Variants in GAS7 observed in about 807,000 individuals in gnomAD.
The protein encoded by GAS7 is growth arrest-specific protein 7.
GAS7 carries 28 observed loss-of-function variants against 71.1 expected under a neutral mutation model. The observed-to-expected ratio is 0.39, with a 90% confidence interval of 0.29 to 0.54. GAS7 has a LOEUF of 0.54. Ranked by LOEUF, GAS7 falls within the 20% of genes least tolerant of loss-of-function variation. GAS7 has a pLI of 0.62. For synonymous variants in GAS7, 258 were observed against 245.8 expected (o/e 1.05, Z -0.46); for missense variants, 436 against 627.8 (o/e 0.69, Z 3.27).
intron 2 of GAS7, among the ~76,000 whole-genome samples, chr17:9,991,349 C>G (rs1171893077): frequency 6.6e-6 from 1 of 152,152 alleles, no homozygotes; most frequent in Non-Finnish European, 1.5e-5. Context: ...TCCCCAACTT[C>G]CCACTCACAG....
At position 9,959,094 on chromosome 17, in the gene GAS7, C is replaced by A; in HGVS notation, c.525+108G>T. On this transcript the variant is annotated intron_variant, in intron 5 of 13. Transcript: ENST00000432992. The surrounding 1 kb of genome is among the most constrained non-coding windows in gnomAD (Gnocchi z 5.0). ...CCGAGCTTTGGAACTTCCCCGTTTC[C>A]AGGTTGGGCATCACTTCTGCTTGGC... 1 of 1,381,560 alleles carries A rather than the reference C, an allele frequency of 7.2e-7. No homozygotes were observed. The highest frequency in any genetic ancestry group is 2.5e-5 in the Admixed American group (1 of 40,326). The allele number at this position is 1,381,560 out of a possible 1,614,324, so 85.6% of individuals were successfully genotyped here. A position where few individuals can be genotyped will look rare whatever the true frequency, so the allele number is the denominator to read the frequency against.
At chr17:10,007,771 C>T (rs2071599267) in intron 2 of GAS7, among the ~76,000 whole-genome samples, 1 of 151,790 alleles carries the variant, frequency 6.6e-6, no homozygotes, top group Admixed American at 6.6e-5. Context: ...CCTCTAAAAG[C>T]ATATAATATA....
At chr17:10,093,592 G>T (rs1001314923) in intron 1 of GAS7, among the ~76,000 whole-genome samples, 3 of 149,534 alleles carry the variant, frequency 2.0e-5, no homozygotes, top group African/African-American at 7.4e-5. Context: ...GCTTGCTGAG[G>T]GCTTAAAACA....
chr17:9,920,687 C>T (rs759048117), intron 11 of GAS7, among the ~76,000 whole-genome samples: 1 of 152,212 alleles, frequency 6.6e-6, no homozygotes, highest in African/African-American at 2.4e-5. Context: ...GGCAGAGCAG[C>T]ACAGCTCTCA....
At chr17:10,149,208 T>C (rs2074145499) in intron 1 of GAS7, among the ~76,000 whole-genome samples, 1 of 152,192 alleles carries the variant, frequency 6.6e-6, no homozygotes, top group Non-Finnish European at 1.5e-5. Context: ...GTTTAAGCGA[T>C]TCTGCTGCCT....
chr17:10,125,668 G>A (rs1273063609), intron 1 of GAS7, among the ~76,000 whole-genome samples: 2 of 151,888 alleles, frequency 1.3e-5, no homozygotes, highest in Non-Finnish European at 2.9e-5. Flanking sequence ...AGGGAGGAGG[G>A]CAGGGTGGTG....
intron 1 of GAS7, among the ~76,000 whole-genome samples, chr17:10,027,703 AT>A (rs1447642646): frequency 6.6e-6 from 1 of 152,166 alleles, no homozygotes; most frequent in Non-Finnish European, 1.5e-5. Context: ...CGACACCTTG[AT>A]CTTGGAACTT....
At position 10,182,524 on chromosome 17, in the gene GAS7, T is replaced by TGTGAAGCC. The variant is rs529517622; in HGVS notation, c.183+15676_183+15683dup. On this transcript the variant is annotated intron_variant, in intron 1 of 13. Coordinates refer to ENST00000432992, the MANE Select transcript of GAS7 (RefSeq NM_201433.2). ...CAGCTAACTCTTGAATTATTTCCTGTGTGAAGCCAAGAACCCATGTGGCCT... is the reference window on the plus strand; with the variant it reads ...CAGCTAACTCTTGAATTATTTCCTGTGTGAAGCCGTGAAGCCAAGAACCCATGTGGCCT... 1.8e-4 allele frequency among the ~76,000 whole-genome samples: 28 copies of TGTGAAGCC among 152,324 alleles called. No individual in the cohort carries two copies. In the South Asian group the frequency reaches 5.6e-3, roughly 30 times the overall value.
intron 2 of GAS7, among the ~76,000 whole-genome samples, chr17:9,994,333 A>G (rs1030939059): frequency 2.0e-5 from 3 of 148,472 alleles, no homozygotes; most frequent in African/African-American, 7.5e-5. Context: ...CAAAACAGAG[A>G]TATAGATCAA....
intron 2 of GAS7, among the ~76,000 whole-genome samples, chr17:10,005,277 G>GTATATACATGCATACATGTATATACACA (rs1567880847): frequency 4.7e-5 from 7 of 147,784 alleles, no homozygotes; most frequent in Non-Finnish European, 1.0e-4. Context: ...GTATGTATAT[G>GTATATACATGCATACATGTATATACACA]TATATACATG....
At chr17:10,105,170 C>G (rs2073744955) in intron 1 of GAS7, among the ~76,000 whole-genome samples, 1 of 152,040 alleles carries the variant, frequency 6.6e-6, no homozygotes, top group Non-Finnish European at 1.5e-5. Context: ...TGCAAACATG[C>G]CATGCGTATT....
chr17:9,973,758 C>T (rs1024276208), intron 3 of GAS7, among the ~76,000 whole-genome samples: 2 of 152,208 alleles, frequency 1.3e-5, no homozygotes, highest in South Asian at 2.1e-4. Flanking sequence ...CAGAAAGACA[C>T]ATCCATGCAT....
chr17:10,190,533 T>C (rs1380434884), intron 1 of GAS7, among the ~76,000 whole-genome samples: 1 of 148,802 alleles, frequency 6.7e-6, no homozygotes, highest in African/African-American at 2.5e-5. Context: ...TGAGCCAAGA[T>C]CGTGCCTTTA....
chr17:10,198,472 G>A lies in GAS7; in HGVS notation c.-82C>T. ...GGGCAGCGGCTCCGCGGGGTCCCAG[G>A]CGCCCGGCGCTCCGGGCTCCCGCGC... On this transcript the variant is annotated 5_prime_UTR_variant, in exon 1 of 14. Transcript: ENST00000432992. The A allele has an allele frequency of 9.4e-7, 1 of 1,068,608 alleles. No individual in the cohort carries two copies. Among genetic ancestry groups the A allele is most frequent in the Non-Finnish European group, 1.2e-6 (1 of 806,148 alleles). 66.2% of individuals were successfully genotyped at this position (1,068,608 alleles called of 1,614,324 possible).
chr17:9,957,980 A>C (rs552326574), intron 5 of GAS7, among the ~76,000 whole-genome samples: 1 of 152,290 alleles, frequency 6.6e-6, no homozygotes, highest in Non-Finnish European at 1.5e-5. Flanking sequence ...CAGTTTCCTC[A>C]TCTGTAAACA....
chr17:10,039,493 C>A (rs932839696), intron 1 of GAS7, among the ~76,000 whole-genome samples: 1 of 152,006 alleles, frequency 6.6e-6, no homozygotes, highest in Non-Finnish European at 1.5e-5. Flanking sequence ...ACCAGCCTGG[C>A]CAACATGGCG....
intron 2 of GAS7, among the ~76,000 whole-genome samples, chr17:10,000,989 T>A (rs1459142430): frequency 1.3e-5 from 2 of 151,094 alleles, no homozygotes; most frequent in Non-Finnish European, 2.9e-5. Flanking sequence ...CTGGGCATTG[T>A]TGGATGCTCC....
chr17:9,920,617 C>T (rs1185817919), intron 11 of GAS7, among the ~76,000 whole-genome samples: 1 of 152,174 alleles, frequency 6.6e-6, no homozygotes, highest in African/African-American at 2.4e-5. Context: ...AGATCCGAGA[C>T]CTACTGAATC....
At chr17:9,918,301 TC>T (rs1567767610) in intron 12 of GAS7, among the ~76,000 whole-genome samples, 1 of 151,790 alleles carries the variant, frequency 6.6e-6, no homozygotes, top group East Asian at 1.9e-4. Context: ...CTTCCTGAAA[TC>T]CTGCTCCGCC....
Sources: gnomAD v4.1 joint callset for allele counts (sites outside exome capture counted in the v4.1 genomes callset) on GRCh38, gnomAD v4.1.1 for gene constraint, Gnocchi (gnomAD v3.1) non-coding constraint, MANE v1.5 for transcripts, NCBI Gene and HGNC (gene_info 2026-07-23, HGNC 2026-07-21) for gene names.